The following XKR4 variants were observed in gnomAD, a reference collection of about 807,000 sequenced individuals.
XKR4 encodes the protein XK related 4, also known as XK-related protein 4.
Under a neutral mutation model 53.9 loss-of-function variants are expected in XKR4, and 12 were observed. That is an observed-to-expected ratio of 0.22 (90% CI 0.14 to 0.36). XKR4 has a LOEUF of 0.36. Among genes scored for constraint, XKR4 ranks in the 10% least tolerant of loss-of-function variants. XKR4 has a pLI of 1.00. For missense variants in XKR4, 799 were observed against 859.5 expected (o/e 0.93, Z 0.88); for synonymous variants, 354 against 362.4 (o/e 0.98, Z 0.26).
intron 1 of XKR4, among the ~76,000 whole-genome samples, chr8:55,301,909 A>G (rs1819205673): frequency 6.6e-6 from 1 of 152,068 alleles, no homozygotes; most frequent in Admixed American, 6.6e-5. Context: ...TTTGTCAGAT[A>G]AGCAGTTTGC....
chr8:55,451,175 G>A (rs1379430478), intron 2 of XKR4: 2 of 550,938 alleles, frequency 3.6e-6, no homozygotes, highest in South Asian at 2.1e-5. Flanking sequence ...GGGGACACCC[G>A]TTGGCCTGGG....
chr8:55,104,088 C>T (rs546151978), intron 1 of XKR4, among the ~76,000 whole-genome samples: 2 of 151,894 alleles, frequency 1.3e-5, no homozygotes, highest in Non-Finnish European at 1.5e-5. Context: ...ATCTGATCTA[C>T]CAAGTCTTTT....
At chr8:55,474,031 AGTAGCTAGGACTATAG>A (rs1353612350) in intron 2 of XKR4, among the ~76,000 whole-genome samples, 1 of 152,022 alleles carries the variant, frequency 6.6e-6, no homozygotes, top group Non-Finnish European at 1.5e-5. Flanking sequence ...CAGGCTCTCC[AGTAGCTAGGACTATAG>A]GAGCACATCA....
chr8:55,210,679 G>A (rs181279184), intron 1 of XKR4, among the ~76,000 whole-genome samples: 65 of 152,336 alleles, frequency 4.3e-4, no homozygotes, highest in Middle Eastern at 6.8e-3. Flanking sequence ...GATCAAGGAC[G>A]TGGACACACA....
chr8:55,212,449 CTGTT>C (rs1817743873), intron 1 of XKR4, among the ~76,000 whole-genome samples: 1 of 152,108 alleles, frequency 6.6e-6, no homozygotes, highest in Non-Finnish European at 1.5e-5. Flanking sequence ...TGGAAAGAGT[CTGTT>C]TGGTCAGTCT....
At chr8:55,437,754 C>T (rs1805197312) in intron 2 of XKR4, among the ~76,000 whole-genome samples, 3 of 152,098 alleles carry the variant, frequency 2.0e-5, no homozygotes, top group South Asian at 4.1e-4. Context: ...GGCTCACAGA[C>T]TGGCAATGGT....
chr8:55,321,172 A>G (rs929122499), intron 1 of XKR4, among the ~76,000 whole-genome samples: 14 of 151,762 alleles, frequency 9.2e-5, no homozygotes, highest in Non-Finnish European at 1.9e-4. Flanking sequence ...CACCTAAACC[A>G]CTGACTATCC....
chr8:55,117,985 T>C (rs1339763428), intron 1 of XKR4, among the ~76,000 whole-genome samples: 1 of 152,210 alleles, frequency 6.6e-6, no homozygotes. Flanking sequence ...AATCAGATCA[T>C]TTCCGGATCT....
At position 55,498,391 on chromosome 8, in the gene XKR4, C is replaced by T. The variant is rs540216448; in HGVS notation, c.1007-24890C>T. 9.9e-5 allele frequency among the ~76,000 whole-genome samples: 15 copies of T among 152,272 alleles called. 1 individual carries two copies. The highest frequency in any genetic ancestry group is 2.6e-4 in the African/African-American group (11 of 41,562). ...ATGTCCCTGGCACCTCTGCTTGGCC[C>T]GTGCAGCAGGCTTTGTCACCAGTCC... On this transcript the variant is annotated intron_variant, in intron 2 of 2. Transcript: ENST00000327381.
intron 1 of XKR4, among the ~76,000 whole-genome samples, chr8:55,278,188 T>C (rs1344326282): frequency 6.6e-6 from 1 of 151,970 alleles, no homozygotes; most frequent in Non-Finnish European, 1.5e-5. Flanking sequence ...TCGAAAAAAA[T>C]TAGCCAGGCA....
chr8:55,142,282 A>G, intron 1 of XKR4: 1 of 436,374 alleles, frequency 2.3e-6, no homozygotes, highest in Non-Finnish European at 4.6e-6. Flanking sequence ...TCTCCTGGAT[A>G]AGGAAAGGGT....
At chr8:55,464,495 C>A (rs533778723) in intron 2 of XKR4, among the ~76,000 whole-genome samples, 3 of 152,184 alleles carry the variant, frequency 2.0e-5, no homozygotes, top group African/African-American at 7.2e-5. Flanking sequence ...TAAGAGCTAT[C>A]TATGACAAAC....
In XKR4 at chr8:55,317,319, G is replaced by C. The variant is rs16921590; in HGVS notation, c.807-40359G>C. On this transcript the variant is annotated intron_variant, in intron 1 of 2. Coordinates refer to ENST00000327381, the MANE Select transcript of XKR4 (RefSeq NM_052898.2). ...TGCATCTAATGTCCCCGAAATGATTGATCACAGGTAAACAAATAAAAAGCC... is the reference window on the plus strand; with the variant it reads ...TGCATCTAATGTCCCCGAAATGATTCATCACAGGTAAACAAATAAAAAGCC... Among the ~76,000 whole-genome samples the C allele has an allele frequency of 4.9e-3, 746 of 152,092 alleles. 7 individuals are homozygous for C. The highest frequency in any genetic ancestry group is 7.2e-3 in the Non-Finnish European group (490 of 67,968).
chr8:55,246,874 A>G (rs1160673939), intron 1 of XKR4, among the ~76,000 whole-genome samples: 2 of 152,268 alleles, frequency 1.3e-5, no homozygotes, highest in Non-Finnish European at 2.9e-5. Context: ...AAGCTCCCAG[A>G]GAGTCGTGGA....
At chr8:55,504,379 A>ATT (rs61549013) in intron 2 of XKR4, among the ~76,000 whole-genome samples, 53 of 141,110 alleles carry the variant, frequency 3.8e-4, no homozygotes, top group Middle Eastern at 3.7e-3. Context: ...CACCTGGCTA[A>ATT]TTTTTTTTTT....
At chr8:55,293,872 G>T (rs1234504602) in intron 1 of XKR4, among the ~76,000 whole-genome samples, 1 of 152,076 alleles carries the variant, frequency 6.6e-6, no homozygotes, top group Non-Finnish European at 1.5e-5. Context: ...AAAATACTTA[G>T]AAAAAATAAC....
intron 2 of XKR4, among the ~76,000 whole-genome samples, chr8:55,502,623 A>G (rs887666260): frequency 5.3e-5 from 8 of 151,926 alleles, no homozygotes; most frequent in African/African-American, 1.9e-4. Context: ...TTTTTAATAT[A>G]TCTTTATCAG....
chr8:55,189,357 G>A (rs967786444), intron 1 of XKR4, among the ~76,000 whole-genome samples: 4 of 152,072 alleles, frequency 2.6e-5, no homozygotes, highest in African/African-American at 7.3e-5. Context: ...GTATGAGTAC[G>A]ATCATGCCTC....
At chr8:55,523,231 C>T in intron 2 of XKR4, 50 bp from the exon 3 acceptor site, 2 of 1,488,648 alleles carry the variant, frequency 1.3e-6, no homozygotes, top group South Asian at 2.7e-5. Context: ...TTCCAGGGGG[C>T]ATTGCTGCAA....
Sources: allele counts gnomAD v4.1 joint callset (sites outside exome capture counted in the v4.1 genomes callset), GRCh38; gene constraint gnomAD v4.1.1; transcripts MANE v1.5; gene names NCBI Gene and HGNC (gene_info 2026-07-23, HGNC 2026-07-21).